The following PHACTR1 variants were observed in gnomAD, a reference collection of about 807,000 sequenced individuals.
PHACTR1 encodes RPEL repeat containing 1.
In PHACTR1, 16 loss-of-function variants were observed where a neutral mutation model predicts 69.2. That is an observed-to-expected ratio of 0.23 (90% CI 0.16 to 0.35). The LOEUF (loss-of-function observed/expected upper bound fraction) is 0.35, where lower values mean the gene tolerates loss of function less well. Among genes scored for constraint, PHACTR1 ranks in the 10% least tolerant of loss-of-function variants. The pLI is 1.00. For synonymous variants in PHACTR1, 312 were observed against 284.5 expected (o/e 1.10, Z -0.97); for missense variants, 510 against 734.7 (o/e 0.69, Z 3.54).
At chr6:13,143,902 T>C (rs1248057509) in intron 5 of PHACTR1, among the ~76,000 whole-genome samples, 1 of 152,166 alleles carries the variant, frequency 6.6e-6, no homozygotes, top group Admixed American at 6.5e-5. Context: ...GTAGTTTTTG[T>C]AATATTCAAA....
intron 14 of PHACTR1, among the ~76,000 whole-genome samples, chr6:13,286,741 T>G (rs1781762099): frequency 6.6e-6 from 1 of 152,272 alleles, no homozygotes; most frequent in Non-Finnish European, 1.5e-5. Flanking sequence ...GCCATTGATT[T>G]AATTCTGACT....
At chr6:13,049,977 C>T (rs1327584001) in intron 4 of PHACTR1, among the ~76,000 whole-genome samples, 1 of 152,200 alleles carries the variant, frequency 6.6e-6, no homozygotes, top group East Asian at 1.9e-4. Flanking sequence ...CAAGACTATA[C>T]ACCAAGGTAA....
At chr6:12,723,729 C>T (rs1339127337) in intron 3 of PHACTR1, among the ~76,000 whole-genome samples, 1 of 152,092 alleles carries the variant, frequency 6.6e-6, no homozygotes, top group Non-Finnish European at 1.5e-5. Flanking sequence ...TCAAGCAGTC[C>T]TCCCACCTCA....
intron 4 of PHACTR1, among the ~76,000 whole-genome samples, chr6:12,964,827 T>C (rs891967013): frequency 6.6e-6 from 1 of 152,246 alleles, no homozygotes; most frequent in African/African-American, 2.4e-5. Context: ...TCCTTTAATC[T>C]GCACAGCAAG....
chr6:12,773,404 G>C (rs1414771838), intron 4 of PHACTR1, among the ~76,000 whole-genome samples: 1 of 152,086 alleles, frequency 6.6e-6, no homozygotes, highest in African/African-American at 2.4e-5. Flanking sequence ...TTAACTTCCA[G>C]TTACTGTAAC....
chr6:12,773,504 T>C (rs1561868869), intron 4 of PHACTR1, among the ~76,000 whole-genome samples: 1 of 152,204 alleles, frequency 6.6e-6, no homozygotes, highest in Admixed American at 6.5e-5. Context: ...AAATGCAATT[T>C]TGCTTATTCT....
chr6:12,726,193 A>G (rs767926949), intron 3 of PHACTR1, among the ~76,000 whole-genome samples: 4 of 152,182 alleles, frequency 2.6e-5, no homozygotes, highest in Non-Finnish European at 5.9e-5. Flanking sequence ...GAAAAAAATC[A>G]ATCTTTTAAA....
chr6:13,131,576 T>A (rs1820473090), intron 5 of PHACTR1, among the ~76,000 whole-genome samples: 1 of 152,158 alleles, frequency 6.6e-6, no homozygotes, highest in African/African-American at 2.4e-5. Context: ...AAAAGCCACC[T>A]GTTACCCAAA....
At chr6:13,285,917 C>A (rs147721242) in intron 13 of PHACTR1, among the ~76,000 whole-genome samples, 1 of 152,314 alleles carries the variant, frequency 6.6e-6, no homozygotes, top group African/African-American at 2.4e-5. Flanking sequence ...AAGAAAAACA[C>A]ACTTTGGGCA....
Position 13,245,048 on chromosome 6 carries a change from G to A in PHACTR1, c.1391+14855G>A, listed in dbSNP as rs1773405165. Among the ~76,000 whole-genome samples the A allele has an allele frequency of 6.6e-6, 1 of 152,200 alleles. No homozygotes were observed. Among genetic ancestry groups the A allele is most frequent in the African/African-American group, 2.4e-5 (1 of 41,454 alleles). ...TCCATGTTCTTCTGCCATGGTTTCA[G>A]CCGGTCCCTCTGTTTGGGGTCCCTG... On this transcript the variant is annotated intron_variant, in intron 10 of 14. Coordinates refer to ENST00000332995, the MANE Select transcript of PHACTR1 (RefSeq NM_030948.6). The surrounding 1 kb of genome is among the most constrained non-coding windows in gnomAD (Gnocchi z 4.1).
At chr6:13,031,322 G>C (rs56111070) in intron 4 of PHACTR1, among the ~76,000 whole-genome samples, 15 of 152,206 alleles carry the variant, frequency 9.9e-5, no homozygotes, top group Middle Eastern at 3.4e-3. Flanking sequence ...TTAGGACTTA[G>C]CTGGAATACT....
chr6:13,033,509 G>A (rs952844898), intron 4 of PHACTR1, among the ~76,000 whole-genome samples: 1 of 151,914 alleles, frequency 6.6e-6, no homozygotes, highest in South Asian at 2.1e-4. Flanking sequence ...TGATTCCTTC[G>A]GTAAACAGCC....
chr6:12,915,135 G>A (rs1220471538), intron 4 of PHACTR1, among the ~76,000 whole-genome samples: 1 of 152,162 alleles, frequency 6.6e-6, no homozygotes, highest in Non-Finnish European at 1.5e-5. Context: ...GTGTGCAGCT[G>A]GGGAGCCTTT....
chr6:12,830,847 C>T (rs1239407188), intron 4 of PHACTR1, among the ~76,000 whole-genome samples: 4 of 152,046 alleles, frequency 2.6e-5, no homozygotes, highest in African/African-American at 9.7e-5. Context: ...CCACCCGTCT[C>T]GGCCTCCCAA....
chr6:13,120,409 G>A (rs911759243), intron 5 of PHACTR1, among the ~76,000 whole-genome samples: 2 of 152,182 alleles, frequency 1.3e-5, no homozygotes, highest in Admixed American at 6.5e-5. Context: ...GGCATGGAGA[G>A]TTAATAGGAA....
rs139127038 is a variant in PHACTR1, at chr6:12,980,684, T to C, written c.251-72681T>C. Reference sequence around the variant, plus strand: ...TAAAAAAAAAAGTCTACGAAAACTATTTGAGACCCCCATGTCCTAAGTCTT... The same window carrying C: ...TAAAAAAAAAAGTCTACGAAAACTACTTGAGACCCCCATGTCCTAAGTCTT... On this transcript the variant is annotated intron_variant, in intron 4 of 14. Transcript: ENST00000332995. 6.2e-4 allele frequency among the ~76,000 whole-genome samples: 94 copies of C among 152,236 alleles called. 1 individual carries two copies. Among genetic ancestry groups the C allele is most frequent in the Middle Eastern group, 3.4e-3 (1 of 294 alleles).
chr6:13,157,014 A>G (rs898755870), intron 5 of PHACTR1, among the ~76,000 whole-genome samples: 30 of 152,182 alleles, frequency 2.0e-4, no homozygotes, highest in Non-Finnish European at 4.0e-4. Context: ...TTCATCTTTC[A>G]TATTCTCAAA....
intron 4 of PHACTR1, among the ~76,000 whole-genome samples, chr6:12,869,640 T>C (rs1300089079): frequency 6.6e-6 from 1 of 152,214 alleles, no homozygotes; most frequent in Non-Finnish European, 1.5e-5. Context: ...CTGCTGACCA[T>C]AGTGCTTTTG....
intron 6 of PHACTR1, among the ~76,000 whole-genome samples, chr6:13,182,304 C>CA (rs1383397713): frequency 6.6e-6 from 1 of 152,134 alleles, no homozygotes; most frequent in African/African-American, 2.4e-5. Context: ...AGAAAACAGG[C>CA]AAAATGCTGA....
Sources: gnomAD v4.1 joint callset for allele counts (sites outside exome capture counted in the v4.1 genomes callset) on GRCh38, gnomAD v4.1.1 for gene constraint, Gnocchi (gnomAD v3.1) non-coding constraint, MANE v1.5 for transcripts, NCBI Gene and HGNC (gene_info 2026-07-23, HGNC 2026-07-21) for gene names.